ABLIM1: variants seen among roughly 807,000 people sequenced by gnomAD.
ABLIM1 encodes actin binding LIM protein 1.
In ABLIM1, 40 loss-of-function variants were observed where a neutral mutation model predicts 107.0. The ratio of observed to expected loss-of-function variants is 0.37; its 90% CI spans 0.29 to 0.49. The LOEUF is 0.49. Among genes scored for constraint, ABLIM1 ranks in the 20% least tolerant of loss-of-function variants. The pLI, the probability that ABLIM1 is intolerant of heterozygous loss-of-function variation, is 0.97. For missense variants in ABLIM1, 857 were observed against 1,008.5 expected, an observed-to-expected ratio of 0.85 and a Z score of 2.04; for synonymous variants, 357 against 357.3, an observed-to-expected ratio of 1.00 and a Z score of 0.01.
chr10:114,441,674 C>T lies in ABLIM1; in HGVS notation c.1998+48G>A, dbSNP rs565065141. 2.6e-6 allele frequency: 4 copies of T among 1,546,622 alleles called. No individual in the cohort carries two copies. The South Asian group carries it at 3.3e-5, about 13-fold the overall frequency. On this transcript the variant is annotated intron_variant, in intron 18 of 22. Coordinates refer to ENST00000533213, the MANE Select transcript of ABLIM1 (RefSeq NM_002313.7). ...CAATGTGTCAATACTTCAACCAGGG[C>T]CGAGGTGGGAGTAAAGGCAGAAACA...
At chr10:114,752,051 G>A (rs1009960831) in intron 1 of ABLIM1, among the ~76,000 whole-genome samples, 23 of 152,184 alleles carry the variant, frequency 1.5e-4, no homozygotes, top group Non-Finnish European at 3.4e-4. Flanking sequence ...GAGGCTGCCA[G>A]TCTCTCTCCT....
chr10:114,722,964 G>A (rs759770907), intron 1 of ABLIM1, among the ~76,000 whole-genome samples: 2 of 152,174 alleles, frequency 1.3e-5, no homozygotes, highest in African/African-American at 2.4e-5. Flanking sequence ...TATATAGCTC[G>A]CTTGCAGACT....
chr10:114,505,840 T>G (rs2061050234), intron 6 of ABLIM1, among the ~76,000 whole-genome samples: 1 of 152,206 alleles, frequency 6.6e-6, no homozygotes, highest in African/African-American at 2.4e-5. Context: ...CCTCAGTATT[T>G]CTATTCTTAA....
intron 1 of ABLIM1, among the ~76,000 whole-genome samples, chr10:114,623,733 C>G (rs2077613353): frequency 6.6e-6 from 1 of 152,214 alleles, no homozygotes; most frequent in Non-Finnish European, 1.5e-5. Flanking sequence ...TCTGTGTTTT[C>G]ACAAGCCTTC....
upstream of ABLIM1, among the ~76,000 whole-genome samples, chr10:114,772,947 C>T (rs1415970178): frequency 6.6e-6 from 1 of 151,914 alleles, no homozygotes; most frequent in Non-Finnish European, 1.5e-5. Context: ...AATTTTAAAA[C>T]TCATTGGATA....
upstream of ABLIM1, among the ~76,000 whole-genome samples, chr10:114,768,309 G>T (rs1422060445): frequency 6.8e-6 from 1 of 146,796 alleles, no homozygotes; most frequent in African/African-American, 2.4e-5. Flanking sequence ...CGCGCTGGGC[G>T]GGGCGCGCCT....
chr10:114,591,308 C>T (rs1173009582), intron 2 of ABLIM1, among the ~76,000 whole-genome samples: 2 of 152,076 alleles, frequency 1.3e-5, no homozygotes, highest in Non-Finnish European at 2.9e-5. Context: ...TTTTTATCTA[C>T]CTATTTTATT....
intron 1 of ABLIM1, among the ~76,000 whole-genome samples, chr10:114,714,914 T>A (rs1401983161): frequency 6.6e-6 from 1 of 152,172 alleles, no homozygotes; most frequent in Non-Finnish European, 1.5e-5. Context: ...GTCTCCCTTC[T>A]TCTCTCCCTT....
At chr10:114,437,575 TCCTAAA>T (rs1428863527) in intron 22 of ABLIM1, among the ~76,000 whole-genome samples, 7 of 152,042 alleles carry the variant, frequency 4.6e-5, no homozygotes. Flanking sequence ...TACCTCGGCC[TCCTAAA>T]GTGTTGGGAT....
At position 114,658,238 on chromosome 10, in the gene ABLIM1, G is replaced by A. The variant is rs1463591084; in HGVS notation, c.-38C>T. 4.4e-6 allele frequency: 7 copies of A among 1,577,858 alleles called. No homozygotes were observed. In the African/African-American group the frequency reaches 8.1e-5, roughly 18 times the overall value. On this transcript the variant is annotated 5_prime_UTR_variant, in exon 1 of 23. Coordinates refer to ENST00000533213, the MANE Select transcript of ABLIM1 (RefSeq NM_002313.7). ...TTCCAAGCAATGAGAAATGGGGAGT[G>A]GGGACCCAAGGAGCGGTGCTGCCCC...
At chr10:114,638,665 ACAC>A (rs1013883009) in intron 1 of ABLIM1, among the ~76,000 whole-genome samples, 3 of 118,502 alleles carry the variant, frequency 2.5e-5, no homozygotes, top group Admixed American at 1.7e-4. Flanking sequence ...ACACACACAC[ACAC>A]AAGCATTTCT....
At chr10:114,443,166 A>G (rs2060445597) in intron 17 of ABLIM1, among the ~76,000 whole-genome samples, 1 of 152,172 alleles carries the variant, frequency 6.6e-6, no homozygotes, top group Admixed American at 6.5e-5. Context: ...ATGAGAGAAG[A>G]AATCTTGTGG....
At chr10:114,700,738 A>G (rs976369250) in intron 1 of ABLIM1, among the ~76,000 whole-genome samples, 12 of 128,800 alleles carry the variant, frequency 9.3e-5, no homozygotes, top group South Asian at 2.2e-4. Flanking sequence ...TATCCCTGTG[A>G]AAAAAAAAAA....
At chr10:114,533,601 C>G (rs2065671120) in intron 6 of ABLIM1, among the ~76,000 whole-genome samples, 1 of 152,174 alleles carries the variant, frequency 6.6e-6, no homozygotes, top group South Asian at 2.1e-4. Flanking sequence ...GAACTCAGGA[C>G]ATTTACTGTG....
At chr10:114,800,375 T>C in the ABLIM1 span, among the ~76,000 whole-genome samples, 111 of 152,336 alleles carry the variant, frequency 7.3e-4, no homozygotes, top group Non-Finnish European at 1.1e-3. Context: ...GATATCCATG[T>C]AGGTGAAGAA....
intron 6 of ABLIM1, among the ~76,000 whole-genome samples, chr10:114,495,200 A>G (rs989434793): frequency 6.6e-6 from 1 of 152,182 alleles, no homozygotes; most frequent in African/African-American, 2.4e-5. Flanking sequence ...TCAACCCTTT[A>G]TAACAAAAAT....
intron 6 of ABLIM1, among the ~76,000 whole-genome samples, chr10:114,523,307 C>A (rs1456576018): frequency 6.6e-6 from 1 of 152,162 alleles, no homozygotes; most frequent in Non-Finnish European, 1.5e-5. Flanking sequence ...TCTGCCCCAT[C>A]TGCACCCCCC....
chr10:114,518,559 T>C (rs930632485), intron 6 of ABLIM1, among the ~76,000 whole-genome samples: 3 of 152,036 alleles, frequency 2.0e-5, no homozygotes, highest in Non-Finnish European at 4.4e-5. Context: ...TTTTACCTGA[T>C]ACCAAGATTG....
chr10:114,550,096 G>A (rs1411893122), intron 4 of ABLIM1, among the ~76,000 whole-genome samples: 1 of 151,934 alleles, frequency 6.6e-6, no homozygotes, highest in Non-Finnish European at 1.5e-5. Flanking sequence ...TCTGAATATT[G>A]CAAATTAGAA....
Sources: gnomAD v4.1 joint callset for allele counts (sites outside exome capture counted in the v4.1 genomes callset) on GRCh38, gnomAD v4.1.1 for gene constraint, MANE v1.5 for transcripts, NCBI Gene and HGNC (gene_info 2026-07-23, HGNC 2026-07-21) for gene names.